Variants in CNDP2 observed in about 807,000 individuals in gnomAD.
CNDP2 encodes carnosine dipeptidase 2.
In CNDP2, 38 loss-of-function variants were observed where a neutral mutation model predicts 55.0. The ratio of observed to expected loss-of-function variants is 0.69; its 90% CI spans 0.53 to 0.90. CNDP2 has a LOEUF of 0.90. Ranked by LOEUF, CNDP2 falls within the 40% of genes least tolerant of loss-of-function variation. The pLI is 0.00. For missense variants in CNDP2, 607 were observed against 621.7 expected, an observed-to-expected ratio of 0.98 and a Z score of 0.25; for synonymous variants, 241 against 260.2, an observed-to-expected ratio of 0.93 and a Z score of 0.71.
chr18:74,512,578 G>A (rs750240438), intron 7 of CNDP2, 46 bp downstream of exon 7: 12 of 1,513,310 alleles, frequency 7.9e-6, no homozygotes, highest in African/African-American at 1.4e-5. Flanking sequence ...GGAAGTGGAT[G>A]GGCGTGACTT....
chr18:74,512,629 C>A, intron 7 of CNDP2, 97 bp downstream of exon 7: 1 of 986,848 alleles, frequency 1.0e-6, no homozygotes, highest in Non-Finnish European at 1.5e-6. Flanking sequence ...TTTCAGCATT[C>A]CACATGAACC....
intron 6 of CNDP2, 60 bp from the exon 7 acceptor site, chr18:74,512,388 A>G (rs1979403200): frequency 1.4e-6 from 2 of 1,440,722 alleles, no homozygotes; most frequent in South Asian, 1.2e-5. Flanking sequence ...ATTTACTGTC[A>G]CATGATAAAA....
At position 74,513,720 on chromosome 18, in the gene CNDP2, G is replaced by T. The variant is rs201882032; in HGVS notation, c.903+1G>T. ...GCAGATCCTCCTGCACAGCCACAAG[G>T]TCTGGTTCAGGGCTCGACTCTGCCA... On this transcript the variant is annotated splice_donor_variant, in intron 8 of 11. Transcript: ENST00000324262. LOFTEE classifies it high-confidence loss of function. 6.2e-7 allele frequency: 1 copy of T among 1,613,370 alleles called. No homozygotes were observed. Among genetic ancestry groups the T allele is most frequent in the Non-Finnish European group, 8.5e-7 (1 of 1,179,598 alleles).
intron 7 of CNDP2, 50 bp downstream of exon 7, chr18:74,512,582 G>T (rs558934195): frequency 2.7e-6 from 4 of 1,477,276 alleles, no homozygotes; most frequent in Non-Finnish European, 3.8e-6. Flanking sequence ...GTGGATGGGC[G>T]TGACTTCCAG....
intron 8 of CNDP2, among the ~76,000 whole-genome samples, chr18:74,515,815 G>A (rs1979632327): frequency 6.6e-6 from 1 of 152,164 alleles, no homozygotes; most frequent in African/African-American, 2.4e-5. Context: ...TGTCCCATGG[G>A]CCTGGGAGAG....
Position 74,500,026 on chromosome 18 carries a change from A to G in CNDP2, c.53A>G (p.Tyr18Cys). Residue 18 changes from tyrosine to cysteine, a missense_variant, in exon 2 of 12, where the codon TAC becomes TGC. Coordinates refer to ENST00000324262, the MANE Select transcript of CNDP2 (RefSeq NM_018235.3). ...TACATAGATGAAAATCAGGATCGCT[A>G]CATTAAGGTAAGGGAATATTCATTT... ...FKYIDENQDR[Y>C]IKKLAKWVAI... 1 of 1,613,598 alleles carries G rather than the reference A, an allele frequency of 6.2e-7. No individual in the cohort carries two copies. The highest frequency in any genetic ancestry group is 8.5e-7 in the Non-Finnish European group (1 of 1,179,524).
rs577342971 is a variant in CNDP2, at chr18:74,510,652, G to T, written c.457-161G>T. 8.5e-5 allele frequency among the ~76,000 whole-genome samples: 13 copies of T among 152,342 alleles called. No individual in the cohort carries two copies. The East Asian group carries it at 2.3e-3, about 27-fold the overall frequency. On this transcript the variant is annotated intron_variant, in intron 5 of 11. Coordinates refer to ENST00000324262, the MANE Select transcript of CNDP2 (RefSeq NM_018235.3). ...GTCCAAGTGGCCTGGAGCCACAGCG[G>T]CCTGGCAGTACCTGGGGAGGGGGTG...
intron 3 of CNDP2, among the ~76,000 whole-genome samples, chr18:74,502,100 G>T (rs1978737574): frequency 6.6e-6 from 1 of 152,106 alleles, no homozygotes; most frequent in Non-Finnish European, 1.5e-5. Flanking sequence ...TGGCCAGGCT[G>T]GTCTCGAACT....
intron 4 of CNDP2, chr18:74,508,597 C>T (rs1001970816): frequency 1.1e-5 from 5 of 469,208 alleles, no homozygotes; most frequent in African/African-American, 3.9e-5. Context: ...ACCTGACCAC[C>T]GTGACCACGG....
intron 8 of CNDP2, among the ~76,000 whole-genome samples, chr18:74,514,503 G>A (rs1420290109): frequency 2.4e-4 from 28 of 117,246 alleles, no homozygotes; most frequent in Non-Finnish European, 3.3e-4. Flanking sequence ...TGCAGCCTGT[G>A]GGCTTACGTG....
In CNDP2 at chr18:74,510,738, T is replaced by C. The variant is rs1599066723; in HGVS notation, c.457-75T>C. The C allele has an allele frequency of 4.7e-6, 6 of 1,285,588 alleles. No homozygotes were observed. In the East Asian group the frequency reaches 7.0e-5, roughly 15 times the overall value. 79.6% of individuals were successfully genotyped at this position (1,285,588 alleles called of 1,614,324 possible). A position where few individuals can be genotyped will look rare whatever the true frequency, so the allele number is the denominator to read the frequency against. Reference sequence around the variant, plus strand: ...TGGAGAATGCCGGAGATGTGAAATATGTAATCCTGAGTGTGGCTTCTAGAA... The same window carrying C: ...TGGAGAATGCCGGAGATGTGAAATACGTAATCCTGAGTGTGGCTTCTAGAA... On this transcript the variant is annotated intron_variant, in intron 5 of 11. Coordinates refer to ENST00000324262, the MANE Select transcript of CNDP2 (RefSeq NM_018235.3).
chr18:74,508,896 A>T lies in CNDP2; in HGVS notation c.424A>T (p.Asn142Tyr), dbSNP rs776797081. Residue 142 changes from asparagine to tyrosine, a missense_variant, in exon 5 of 12, where the codon AAC (asparagine) becomes TAC (tyrosine). Physicochemically the swap from Asn to Tyr is moderately radical, Grantham distance 143. Coordinates refer to ENST00000324262, the MANE Select transcript of CNDP2 (RefSeq NM_018235.3). ...TAAGGGCCCGGTGGCCGGCTGGATA[A>T]ACGCCCTGGAAGCGTATCAGAAAAC... ...DDKGPVAGWI[N>Y]ALEAYQKTGQ... 2.5e-6 allele frequency: 4 copies of T among 1,614,028 alleles called. 1 individual carries two copies. The highest frequency in any genetic ancestry group is 3.4e-6 in the Non-Finnish European group (4 of 1,179,994).
intron 7 of CNDP2, among the ~76,000 whole-genome samples, chr18:74,513,042 C>T (rs1237668881): frequency 3.9e-5 from 6 of 152,230 alleles, no homozygotes; most frequent in African/African-American, 1.4e-4. Flanking sequence ...CTCCATTCCT[C>T]CCTGCCAACG....
At chr18:74,512,405 T>G in intron 6 of CNDP2, 43 bp from the exon 7 acceptor site, 2 of 1,528,748 alleles carry the variant, frequency 1.3e-6, no homozygotes, top group Non-Finnish European at 1.8e-6. Context: ...AAAAATAAGC[T>G]CCCACTAGGC....
At chr18:74,519,722 C>T (rs1487819909) in intron 11 of CNDP2, among the ~76,000 whole-genome samples, 1 of 152,184 alleles carries the variant, frequency 6.6e-6, no homozygotes, top group Non-Finnish European at 1.5e-5. Context: ...CAGAAACAAG[C>T]GGATAATGGG....
chr18:74,517,869 CTTAAT>C (rs1344686623), intron 9 of CNDP2: 3 of 152,174 alleles, frequency 2.0e-5, no homozygotes, highest in African/African-American at 7.2e-5. Flanking sequence ...TGTTTTTAAA[CTTAAT>C]TTAAATAGTA....
chr18:74,520,012 G>A lies in CNDP2; in HGVS notation c.1372G>A (p.Glu458Lys). 6.2e-7 allele frequency: 1 copy of A among 1,614,048 alleles called. No individual in the cohort carries two copies. The highest frequency in any genetic ancestry group is 1.7e-5 in the Admixed American group (1 of 60,010). Reference protein sequence around the residue: ...NEKLNRYNYIEGTKMLAAYLY... With the variant: ...NEKLNRYNYIKGTKMLAAYLY... ...CCTCTCTACCAGGTATAACTACATA[G>A]AGGGAACCAAGATGCTGGCCGCGTA... Residue 458 changes from glutamate (E) to lysine (K), a missense_variant, in exon 12 of 12, where the codon GAG (glutamate) becomes AAG (lysine). By Grantham distance (56) the Glu-to-Lys change is moderately conservative. Transcript: ENST00000324262.
intron 8 of CNDP2, among the ~76,000 whole-genome samples, chr18:74,515,061 G>A (rs766852415): frequency 1.4e-4 from 22 of 152,206 alleles, no homozygotes; most frequent in Non-Finnish European, 1.3e-4. Flanking sequence ...GTCAGCAGGA[G>A]CACAGACATA....
chr18:74,510,843 G>A lies in CNDP2; in HGVS notation c.487G>A (p.Glu163Lys), dbSNP rs1979306069. 3.7e-6 allele frequency: 6 copies of A among 1,613,994 alleles called. No homozygotes were observed. The highest frequency in any genetic ancestry group is 2.2e-5 in the South Asian group (2 of 91,080). ...EIPVNVRFCL[E>K]GMEESGSEGL... ...TCCTGTCAACGTCCGATTCTGCCTC[G>A]AAGGCATGGAGGAGTCAGGCTCTGA... Residue 163 changes from glutamate to lysine, a missense_variant, in exon 6 of 12, where the codon GAA becomes AAA. Transcript: ENST00000324262.
Sources: allele counts gnomAD v4.1 joint callset (sites outside exome capture counted in the v4.1 genomes callset), GRCh38; gene constraint gnomAD v4.1.1; transcripts MANE v1.5; gene names NCBI Gene and HGNC (gene_info 2026-07-23, HGNC 2026-07-21).